The following IDE variants were observed in gnomAD, a reference collection of about 807,000 sequenced individuals.
The protein encoded by IDE is insulin degrading enzyme, also known as insulin-degrading enzyme.
IDE carries 58 observed loss-of-function variants against 133.2 expected under a neutral mutation model. The ratio of observed to expected loss-of-function variants is 0.44; its 90% CI spans 0.35 to 0.54. The LOEUF (loss-of-function observed/expected upper bound fraction) is 0.54, where lower values mean the gene tolerates loss of function less well. IDE is among the 20% of genes least tolerant of loss of function. IDE has a pLI of 0.00. For missense variants in IDE, 981 were observed against 1,234.0 expected, an observed-to-expected ratio of 0.79 and a Z score of 3.07; for synonymous variants, 396 against 421.3, an observed-to-expected ratio of 0.94 and a Z score of 0.73.
intron 4 of IDE, among the ~76,000 whole-genome samples, chr10:92,515,409 A>G (rs1314866770): frequency 1.4e-5 from 2 of 146,698 alleles, no homozygotes; most frequent in Admixed American, 6.9e-5. Flanking sequence ...ACAGGCGCCC[A>G]CCACGACACC....
In IDE at chr10:92,463,748, T is replaced by C. The variant is rs1845519846; in HGVS notation, c.2744A>G (p.Gln915Arg). ...TACCTTACCTCTGTCAAAATTATAT[T>C]GCTGGGAGATGATTTCTCCCCAGTA... ...AKYWGEIISQ[Q>R]YNFDRDNTEV... is the part of the protein sequence containing the mutation. Residue 915 changes from glutamine to arginine, a missense_variant, in exon 21 of 25, where the codon CAA becomes CGA. By Grantham distance (43) the Gln-to-Arg change is conservative (BLOSUM62 1). This residue lies in a region of IDE where 660 missense variants were observed against 894.7 expected (regional missense o/e 0.74). Transcript: ENST00000265986. 1.2e-6 allele frequency: 2 copies of C among 1,613,944 alleles called. No individual in the cohort carries two copies. Among genetic ancestry groups the C allele is most frequent in the Non-Finnish European group, 1.7e-6 (2 of 1,179,862 alleles).
At chr10:92,471,330 G>T (rs561097272) in intron 17 of IDE, among the ~76,000 whole-genome samples, 1 of 152,282 alleles carries the variant, frequency 6.6e-6, no homozygotes, top group South Asian at 2.1e-4. Flanking sequence ...AGAAACATGG[G>T]AATGCAAATA....
chr10:92,506,764 T>A (rs913994052), intron 9 of IDE, among the ~76,000 whole-genome samples: 1 of 152,160 alleles, frequency 6.6e-6, no homozygotes, highest in Non-Finnish European at 1.5e-5. Context: ...GGTAAACAAC[T>A]TTCAATGAAA....
intron 4 of IDE, among the ~76,000 whole-genome samples, chr10:92,527,350 G>A (rs550905937): frequency 6.6e-6 from 1 of 152,046 alleles, no homozygotes; most frequent in Admixed American, 6.5e-5. Context: ...GTAACAACTA[G>A]AACTTTATAA....
chr10:92,530,734 G>A (rs1034760940), intron 4 of IDE, among the ~76,000 whole-genome samples: 8 of 152,138 alleles, frequency 5.3e-5, no homozygotes, highest in African/African-American at 9.7e-5. Flanking sequence ...TTAATATTGA[G>A]TGCCAAGTAC....
At chr10:92,466,758 C>A (rs923924286) in intron 19 of IDE, among the ~76,000 whole-genome samples, 7 of 151,630 alleles carry the variant, frequency 4.6e-5, no homozygotes, top group Non-Finnish European at 7.4e-5. Context: ...GCCGGGATTA[C>A]AGGTGCCTGC....
chr10:92,483,460 G>A, intron 13 of IDE, 123 bp from the exon 14 acceptor site: 1 of 635,314 alleles, frequency 1.6e-6, no homozygotes, highest in Non-Finnish European at 2.8e-6. Flanking sequence ...TGGAGTTGCT[G>A]TCCCATGGGC....
chr10:92,510,679 G>T (rs933159731), intron 5 of IDE, among the ~76,000 whole-genome samples: 1 of 150,392 alleles, frequency 6.6e-6, no homozygotes, highest in African/African-American at 2.4e-5. Flanking sequence ...TCACATATAT[G>T]ATATATATCA....
rs559879765 is a variant in IDE, at chr10:92,471,088, T to C, written c.2117-743A>G. ...AATGAGATTATACAAATATTTTCTTTTTCTTTAAATTTGACCCACTAATTT... is the reference window on the plus strand; with the variant it reads ...AATGAGATTATACAAATATTTTCTTCTTCTTTAAATTTGACCCACTAATTT... On this transcript the variant is annotated intron_variant, in intron 17 of 24. Transcript: ENST00000265986. 7.2e-5 allele frequency among the ~76,000 whole-genome samples: 11 copies of C among 152,380 alleles called. No individual in the cohort carries two copies. The South Asian group carries it at 2.3e-3, about 32-fold the overall frequency.
At chr10:92,514,631 G>A (rs1014423414) in intron 5 of IDE, among the ~76,000 whole-genome samples, 1 of 152,000 alleles carries the variant, frequency 6.6e-6, no homozygotes, top group Non-Finnish European at 1.5e-5. Flanking sequence ...GTAGAGACAG[G>A]ATCTTACTAT....
intron 11 of IDE, among the ~76,000 whole-genome samples, chr10:92,495,091 T>C (rs1847604556): frequency 6.6e-6 from 1 of 151,372 alleles, no homozygotes; most frequent in Admixed American, 6.6e-5. Context: ...TGAGACGGAG[T>C]CTTGCTCTGT....
intron 1 of IDE, among the ~76,000 whole-genome samples, chr10:92,547,741 G>A (rs532464453): frequency 6.6e-6 from 1 of 152,210 alleles, no homozygotes; most frequent in South Asian, 2.1e-4. Flanking sequence ...GCTGCCTCAG[G>A]AAACTTGACC....
At chr10:92,478,924 G>T (rs1846436250) in intron 15 of IDE, 1 of 313,766 alleles carries the variant, frequency 3.2e-6, no homozygotes, top group Non-Finnish European at 5.0e-6. Context: ...GCCAACCTTA[G>T]GTTTTACAAA....
At chr10:92,524,484 T>A (rs1406467475) in intron 4 of IDE, among the ~76,000 whole-genome samples, 9 of 27,142 alleles carry the variant, frequency 3.3e-4, no homozygotes, top group South Asian at 5.6e-4. Context: ...ATAATATATA[T>A]TATATTATAA....
In IDE at chr10:92,474,885, G is replaced by C. The variant is rs1564604168; in HGVS notation, c.2072C>G (p.Thr691Ser). The C allele has an allele frequency of 1.9e-6, 3 of 1,613,564 alleles. No individual in the cohort carries two copies. The highest frequency in any genetic ancestry group is 1.3e-5 in the African/African-American group (1 of 74,906). ...CTCATCTTTAGTCCAGGCCACTTCAGTCATCAGCAAGCGGAGGTAGTACAT... is the reference window on the plus strand; with the variant it reads ...CTCATCTTTAGTCCAGGCCACTTCACTCATCAGCAAGCGGAGGTAGTACAT... ...HAMYYLRLLM[T>S]EVAWTKDELK... Residue 691 changes from threonine (T) to serine (S), a missense_variant, in exon 17 of 25, where the codon ACT becomes AGT. Physicochemically the swap from Thr to Ser is moderately conservative, Grantham distance 58. Coordinates refer to ENST00000265986, the MANE Select transcript of IDE (RefSeq NM_004969.4).
intron 21 of IDE, among the ~76,000 whole-genome samples, chr10:92,463,416 T>C (rs1197025427): frequency 6.6e-6 from 1 of 152,184 alleles, no homozygotes; most frequent in East Asian, 1.9e-4. Context: ...GGGAAATAGA[T>C]ACTTAGGTAT....
Position 92,451,987 on chromosome 10 carries a change from A to G in IDE, c.*2457T>C, listed in dbSNP as rs1844768404. 1 of 152,242 alleles carries G rather than the reference A, an allele frequency of 6.6e-6. No homozygotes were observed. Among genetic ancestry groups the G allele is most frequent in the Non-Finnish European group, 1.5e-5 (1 of 68,048 alleles). 9.4% of individuals were successfully genotyped at this position (152,242 alleles called of 1,614,324 possible). On this transcript the variant is annotated 3_prime_UTR_variant, in exon 25 of 25. Transcript: ENST00000265986. ...GTCAGTGACAATACTCACAGCAAGG[A>G]GTCCAACATCAAATACTGAGATTCT...
At chr10:92,572,845 GC>G (rs1843852113) in intron 1 of IDE, 7 of 975,358 alleles carry the variant, frequency 7.2e-6, no homozygotes, top group Non-Finnish European at 6.1e-6. Context: ...TCCAAAGCCA[GC>G]CTACCCCCCC....
intron 11 of IDE, among the ~76,000 whole-genome samples, chr10:92,491,956 G>T (rs1339926581): frequency 2.0e-5 from 3 of 151,936 alleles, no homozygotes; most frequent in Non-Finnish European, 4.4e-5. Flanking sequence ...CAGAAGAGAA[G>T]TCAGATGGAA....
Sources: gnomAD v4.1 joint callset for allele counts (sites outside exome capture counted in the v4.1 genomes callset) on GRCh38, gnomAD v4.1.1 for gene constraint, gnomAD v4.1.1 regional missense constraint, MANE v1.5 for transcripts, NCBI Gene and HGNC (gene_info 2026-07-23, HGNC 2026-07-21) for gene names.